The following ZNF493 variants were observed in gnomAD, a reference collection of about 807,000 sequenced individuals.
ZNF493 encodes the protein zinc finger protein 493.
Under a neutral mutation model 12.2 loss-of-function variants are expected in ZNF493, and 11 were observed. The ratio of observed to expected loss-of-function variants is 0.90; its 90% CI spans 0.57 to 1.50. The LOEUF is 1.50. ZNF493 is among the 40% of genes most tolerant of loss of function. The pLI is 0.00. For missense variants in ZNF493, 950 were observed against 906.6 expected (o/e 1.05, Z -0.61); for synonymous variants, 286 against 302.6 (o/e 0.95, Z 0.57).
chr19:21,425,657 A>T lies in ZNF493; in HGVS notation c.*673A>T, dbSNP rs561779518. On this transcript the variant is annotated 3_prime_UTR_variant, in exon 4 of 4. Transcript: ENST00000392288. ...TTAACCAATCCTCAACCCTTACTAC[A>T]CATTAGATAATTCATGCTGGAGAGA... The T allele has an allele frequency of 1.1e-3, 922 of 833,466 alleles. 3 individuals are homozygous for T. Among genetic ancestry groups the T allele is most frequent in the Admixed American group, 1.2e-3 (65 of 52,008 alleles). 51.6% of individuals were successfully genotyped at this position (833,466 alleles called of 1,614,324 possible). A position where few individuals can be genotyped will look rare whatever the true frequency, so the allele number is the denominator to read the frequency against.
intron 2 of ZNF493, 165 bp from the exon 3 acceptor site, chr19:21,405,596 C>A: frequency 9.0e-7 from 1 of 1,115,116 alleles, no homozygotes; most frequent in Non-Finnish European, 1.2e-6. Context: ...TAAGCACCTA[C>A]AAATTTAAAA....
Position 21,424,737 on chromosome 19 carries a change from C to G in ZNF493, c.2078C>G (p.Thr693Ser). ...TACAAATGTGAAAAATGTGGCAAAA[C>G]TTTCTACCGATTCTCAAACCTTAAT... ...KPYKCEKCGK[T>S]FYRFSNLNTH... Residue 693 changes from threonine to serine, a missense_variant, in exon 4 of 4, where the codon ACT becomes AGT. Physicochemically the swap from Thr to Ser is moderately conservative, Grantham distance 58 (BLOSUM62 1). Coordinates refer to ENST00000392288, the MANE Select transcript of ZNF493 (RefSeq NM_001076678.3). The G allele has an allele frequency of 1.2e-6, 2 of 1,613,070 alleles. No homozygotes were observed. The highest frequency in any genetic ancestry group is 1.7e-6 in the Non-Finnish European group (2 of 1,179,524).
chr19:21,425,436 T>A lies in ZNF493; in HGVS notation c.*452T>A, dbSNP rs2030830140. 1 of 456,160 alleles carries A rather than the reference T, an allele frequency of 2.2e-6. No homozygotes were observed. Among genetic ancestry groups the A allele is most frequent in the Admixed American group, 3.2e-5 (1 of 30,818 alleles). 28.3% of individuals were successfully genotyped at this position (456,160 alleles called of 1,614,324 possible). ...AATAATTCATAAAGGAGATAAATTA[T>A]ACAAATGTGAAGAATGTGGCAAAGC... On this transcript the variant is annotated 3_prime_UTR_variant, in exon 4 of 4. Transcript: ENST00000392288.
chr19:21,397,439 G>A, intron 1 of ZNF493, 172 bp downstream of exon 1: 1 of 818,608 alleles, frequency 1.2e-6, no homozygotes. Flanking sequence ...TGGCGGCTGC[G>A]CCAACAGCCG....
chr19:21,423,438 C>G lies in ZNF493; in HGVS notation c.779C>G (p.Thr260Ser). The G allele has an allele frequency of 2.5e-6, 4 of 1,613,646 alleles. No individual in the cohort carries two copies. The highest frequency in any genetic ancestry group is 3.4e-6 in the Non-Finnish European group (4 of 1,179,814). ...CTTACTACACATAAGAGAATTCATA[C>G]TGGACAGAAACCCTACAAATGTGAA... ...SNLTTHKRIH[T>S]GQKPYKCEEC... The change falls in exon 4 of 4, where the codon ACT becomes AGT. Residue 260 changes from threonine to serine, a missense_variant. Thr to Ser is a moderately conservative substitution (Grantham distance 58). Transcript: ENST00000392288.
chr19:21,405,088 ATGTGTGTGTGTGTGTGTGTGTT>A lies in ZNF493; in HGVS notation c.31-31_31-10del, dbSNP rs1336997834. 9 of 1,423,592 alleles carry A rather than the reference ATGTGTGTGTGTGTGTGTGTGTT, an allele frequency of 6.3e-6. No individual in the cohort carries two copies. The Admixed American group carries it at 1.9e-4, about 31-fold the overall frequency. 88.2% of individuals were successfully genotyped at this position (1,423,592 alleles called of 1,614,324 possible). A position where few individuals can be genotyped will look rare whatever the true frequency, so the allele number is the denominator to read the frequency against. On this transcript the variant is annotated intron_variant, in intron 1 of 3. Transcript: ENST00000392288. ...AATGATAAATTTTGCCCACGTGTAA[ATGTGTGTGTGTGTGTGTGTGTT>A]TGTGTGTGTTTGTTTCAGGGGCCGT... is the stretch of plus-strand genomic sequence containing the variant.
chr19:21,419,799 G>A (rs1172790514), intron 3 of ZNF493, among the ~76,000 whole-genome samples: 1 of 152,136 alleles, frequency 6.6e-6, no homozygotes, highest in Non-Finnish European at 1.5e-5. Flanking sequence ...AGGGAAGTGA[G>A]GGTTTATTCT....
At chr19:21,409,296 A>AAT (rs754559412) in intron 3 of ZNF493, among the ~76,000 whole-genome samples, 2 of 151,984 alleles carry the variant, frequency 1.3e-5, no homozygotes, top group Non-Finnish European at 2.9e-5. Flanking sequence ...TTTAATCATG[A>AAT]ATATATATTC....
At position 21,424,884 on chromosome 19, in the gene ZNF493, A is replaced by G. The variant is rs2030811799; in HGVS notation, c.2225A>G (p.Lys742Arg). The G allele has an allele frequency of 1.2e-6, 2 of 1,613,328 alleles. No homozygotes were observed. The highest frequency in any genetic ancestry group is 2.2e-5 in the South Asian group (2 of 91,052). ...KLIHTGDKPY[K>R]CEACGKAFRR... is the part of the protein sequence containing the mutation. ...ATTCATACTGGAGACAAACCCTACA[A>G]ATGTGAAGCATGTGGCAAAGCTTTT... The change falls in exon 4 of 4, where the codon AAA (lysine) becomes AGA (arginine). Residue 742 changes from lysine (K) to arginine (R), a missense_variant. Coordinates refer to ENST00000392288, the MANE Select transcript of ZNF493 (RefSeq NM_001076678.3).
chr19:21,409,807 A>G (rs1232294553), intron 3 of ZNF493, among the ~76,000 whole-genome samples: 1 of 152,142 alleles, frequency 6.6e-6, no homozygotes, highest in Non-Finnish European at 1.5e-5. Flanking sequence ...AAAGACTTCT[A>G]AAAGTTTTAC....
chr19:21,420,624 T>TATA (rs1491161100), intron 3 of ZNF493, among the ~76,000 whole-genome samples: 17 of 17,100 alleles, frequency 9.9e-4, no homozygotes, highest in South Asian at 3.2e-3. Context: ...TATATATATA[T>TATA]TTTTTTTTTT....
chr19:21,423,218 T>C lies in ZNF493; in HGVS notation c.559T>C (p.Cys187Arg). The C allele has an allele frequency of 2.5e-6, 4 of 1,613,828 alleles. No homozygotes were observed. Among genetic ancestry groups the C allele is most frequent in the Non-Finnish European group, 3.4e-6 (4 of 1,179,868 alleles). ...AAAGAAACCTTTCAAATGTAAAAAA[T>C]GTGGCAAATCATTTTGCATGCTTTT... Reference protein sequence around the residue: ...TGKKPFKCKKCGKSFCMLLHL... With the variant: ...TGKKPFKCKKRGKSFCMLLHL... Residue 187 changes from cysteine (C) to arginine (R), a missense_variant, in exon 4 of 4, where the codon TGT becomes CGT. Transcript: ENST00000392288.
chr19:21,405,054 C>T (rs2030068862), intron 1 of ZNF493, 75 bp from the exon 2 acceptor site: 5 of 1,533,834 alleles, frequency 3.3e-6, no homozygotes, highest in African/African-American at 2.8e-5. Flanking sequence ...CTCATTTGAC[C>T]TTAATTCAAA....
intron 3 of ZNF493, chr19:21,407,835 A>G (rs2030184461): frequency 1.0e-6 from 1 of 985,232 alleles, no homozygotes; most frequent in Non-Finnish European, 1.2e-6. Flanking sequence ...ATTCTGCCAC[A>G]TGCTTCCAGT....
At chr19:21,413,479 A>G (rs376621674) in intron 3 of ZNF493, 6 of 405,062 alleles carry the variant, frequency 1.5e-5, no homozygotes, top group East Asian at 1.1e-4. Context: ...TTCTTCCGCC[A>G]TCTGTGACAG....
chr19:21,411,275 C>T (rs1472432106), intron 3 of ZNF493, among the ~76,000 whole-genome samples: 1 of 152,098 alleles, frequency 6.6e-6, no homozygotes, highest in African/African-American at 2.4e-5. Context: ...TTTCTGGGCT[C>T]TCTGTTCTGT....
At chr19:21,409,907 G>T (rs1434686729) in intron 3 of ZNF493, among the ~76,000 whole-genome samples, 1 of 151,824 alleles carries the variant, frequency 6.6e-6, no homozygotes, top group African/African-American at 2.4e-5. Context: ...TCCAATTTCT[G>T]TTTTTATAAG....
chr19:21,421,148 C>G (rs1421123822), intron 3 of ZNF493, among the ~76,000 whole-genome samples: 3 of 151,982 alleles, frequency 2.0e-5, no homozygotes, highest in Admixed American at 2.0e-4. Flanking sequence ...TGCTTGTATC[C>G]TAGTTTGTTT....
chr19:21,421,389 G>A (rs2030674826), intron 3 of ZNF493, among the ~76,000 whole-genome samples: 1 of 151,742 alleles, frequency 6.6e-6, no homozygotes, highest in Non-Finnish European at 1.5e-5. Context: ...TTTTGAGATA[G>A]AGTTTTGCAC....
Sources: gnomAD v4.1 joint callset for allele counts (sites outside exome capture counted in the v4.1 genomes callset) on GRCh38, gnomAD v4.1.1 for gene constraint, MANE v1.5 for transcripts, NCBI Gene and HGNC (gene_info 2026-07-23, HGNC 2026-07-21) for gene names.